Variants in PTPRT observed in about 807,000 individuals in gnomAD.
PTPRT encodes protein tyrosine phosphatase receptor type T, also known as receptor-type tyrosine-protein phosphatase T.
Under a neutral mutation model 176.8 loss-of-function variants are expected in PTPRT, and 56 were observed. The observed-to-expected ratio is 0.32, with a 90% CI of 0.26 to 0.40. PTPRT has a LOEUF of 0.40. Ranked by LOEUF, PTPRT falls within the 10% of genes least tolerant of loss-of-function variation. The pLI, the probability that PTPRT is intolerant of heterozygous loss-of-function variation, is 1.00. For missense variants in PTPRT, 1,540 were observed against 1,908.2 expected (o/e 0.81, Z 3.60); for synonymous variants, 783 against 739.0 (o/e 1.06, Z -0.96).
intron 9 of PTPRT, among the ~76,000 whole-genome samples, chr20:42,362,849 T>C (rs2058448578): frequency 6.6e-6 from 1 of 152,056 alleles, no homozygotes; most frequent in African/African-American, 2.4e-5. Context: ...CTCACGCCTG[T>C]AATCCTAGCA....
chr20:43,014,084 G>A (rs1455801182), intron 1 of PTPRT, among the ~76,000 whole-genome samples: 1 of 152,156 alleles, frequency 6.6e-6, no homozygotes, highest in Non-Finnish European at 1.5e-5. Context: ...GTACTTGGTG[G>A]AGAGATAATG....
chr20:42,805,183 AG>A (rs1911680347), intron 2 of PTPRT, among the ~76,000 whole-genome samples: 2 of 152,196 alleles, frequency 1.3e-5, no homozygotes, highest in Non-Finnish European at 2.9e-5. Flanking sequence ...AGTAGAAAGG[AG>A]GAGTGACAAG....
At chr20:43,159,939 C>A (rs564113688) in intron 1 of PTPRT, among the ~76,000 whole-genome samples, 1 of 151,466 alleles carries the variant, frequency 6.6e-6, no homozygotes, top group African/African-American at 2.4e-5. Flanking sequence ...AGCTGCTGAG[C>A]TGCTAACAGA....
chr20:42,651,842 T>C (rs2075036625), intron 7 of PTPRT, among the ~76,000 whole-genome samples: 1 of 150,338 alleles, frequency 6.7e-6, no homozygotes, highest in South Asian at 2.1e-4. Flanking sequence ...AGGTCAGGAG[T>C]TCAAGATCAG....
intron 16 of PTPRT, among the ~76,000 whole-genome samples, chr20:42,184,518 C>CCTT (rs1451231166): frequency 1.1e-4 from 6 of 54,484 alleles, no homozygotes; most frequent in Non-Finnish European, 2.3e-4. Flanking sequence ...TCCTCCTCCT[C>CCTT]CTTCTTCTTC....
At chr20:42,683,297 A>T (rs144663216) in intron 6 of PTPRT, among the ~76,000 whole-genome samples, 803 of 55,530 alleles carry the variant, frequency 0.014, 5 homozygotes, top group African/African-American at 0.1. Flanking sequence ...TTTTGTTTTG[A>T]GACAGAGTCT....
chr20:43,070,968 T>TTA (rs555394413), intron 1 of PTPRT, among the ~76,000 whole-genome samples: 1 of 122,888 alleles, frequency 8.1e-6, no homozygotes, highest in Admixed American at 8.4e-5. Context: ...AAAGTATAAT[T>TTA]AAAAAAAAAA....
At chr20:42,053,930 C>T in the PTPRT span, among the ~76,000 whole-genome samples, 1 of 152,084 alleles carries the variant, frequency 6.6e-6, no homozygotes, top group Admixed American at 6.6e-5. Flanking sequence ...TATCTTTCAT[C>T]AGATTTGGGG....
chr20:42,880,319 G>A (rs1170123280), intron 2 of PTPRT, among the ~76,000 whole-genome samples: 1 of 152,180 alleles, frequency 6.6e-6, no homozygotes, highest in Non-Finnish European at 1.5e-5. Context: ...TATAGTCTCA[G>A]CTCCCTGGGG....
At chr20:42,379,310 C>T (rs1238994246) in intron 9 of PTPRT, among the ~76,000 whole-genome samples, 1 of 152,226 alleles carries the variant, frequency 6.6e-6, no homozygotes, top group African/African-American at 2.4e-5. Context: ...AATCTCTAGG[C>T]TGGTGAAATG....
At chr20:42,318,039 A>T (rs1393447712) in intron 11 of PTPRT, among the ~76,000 whole-genome samples, 1 of 152,206 alleles carries the variant, frequency 6.6e-6, no homozygotes, top group African/African-American at 2.4e-5. Context: ...TAAATATAAC[A>T]TTCAGATGAA....
intron 29 of PTPRT, among the ~76,000 whole-genome samples, chr20:42,082,717 T>C (rs1983461531): frequency 6.6e-6 from 1 of 152,198 alleles, no homozygotes; most frequent in African/African-American, 2.4e-5. Flanking sequence ...GTTACTCCTT[T>C]CTGAAACTCC....
intron 9 of PTPRT, among the ~76,000 whole-genome samples, chr20:42,420,700 G>T (rs565786769): frequency 2.6e-5 from 4 of 152,078 alleles, no homozygotes; most frequent in Non-Finnish European, 4.4e-5. Flanking sequence ...GTCTGTCTTC[G>T]TCTGTCCCCA....
intron 3 of PTPRT, among the ~76,000 whole-genome samples, chr20:42,783,976 T>C (rs1304072151): frequency 6.6e-6 from 1 of 152,104 alleles, no homozygotes; most frequent in African/African-American, 2.4e-5. Context: ...GGGCCCAGGC[T>C]GAGAATTCCA....
the PTPRT span, among the ~76,000 whole-genome samples, chr20:42,043,012 G>T: frequency 2.0e-5 from 3 of 152,234 alleles, no homozygotes; most frequent in African/African-American, 7.2e-5. Flanking sequence ...TGTGCCCTCA[G>T]AGAGCACACA....
At chr20:42,100,270 T>TG (rs1985802638) in intron 26 of PTPRT, among the ~76,000 whole-genome samples, 1 of 152,236 alleles carries the variant, frequency 6.6e-6, no homozygotes, top group African/African-American at 2.4e-5. Context: ...TCCGTGCTCC[T>TG]GCCGGGTTTC....
rs2073547644 is a variant in PTPRT, at chr20:42,590,346, T to C, written c.1153+87520A>G. Among the ~76,000 whole-genome samples the C allele has an allele frequency of 3.3e-5, 5 of 152,148 alleles. No homozygotes were observed. The South Asian group carries it at 1.0e-3, about 32-fold the overall frequency. ...GGTTCATCAAAAAAATAAGACATAA[T>C]GAAAAATACATTACTGTCTTATGCC... On this transcript the variant is annotated intron_variant, in intron 7 of 30. Transcript: ENST00000373187.
chr20:42,837,532 C>A (rs1488875773), intron 2 of PTPRT, among the ~76,000 whole-genome samples: 2 of 152,210 alleles, frequency 1.3e-5, no homozygotes, highest in Non-Finnish European at 2.9e-5. Flanking sequence ...GCCCCTGGAT[C>A]CAGCCAGGTC....
chr20:42,806,441 G>A (rs1215961813), intron 2 of PTPRT, among the ~76,000 whole-genome samples: 2 of 144,452 alleles, frequency 1.4e-5, no homozygotes, highest in Non-Finnish European at 3.0e-5. Flanking sequence ...CCAAGATTGA[G>A]CCACTGTACT....
Sources: allele counts gnomAD v4.1 joint callset (sites outside exome capture counted in the v4.1 genomes callset), GRCh38; gene constraint gnomAD v4.1.1; transcripts MANE v1.5; gene names NCBI Gene and HGNC (gene_info 2026-07-23, HGNC 2026-07-21).